The following AGBL1 variants were observed in gnomAD, a reference collection of about 807,000 sequenced individuals.
AGBL1 encodes cytosolic carboxypeptidase 4.
In AGBL1, 130 loss-of-function variants were observed where a neutral mutation model predicts 118.9. The ratio of observed to expected loss-of-function variants is 1.09; its 90% CI spans 0.95 to 1.26. The LOEUF is 1.26. Among genes scored for constraint, AGBL1 ranks in the 50% most tolerant of loss-of-function variants. The probability of loss-of-function intolerance (pLI) is 0.00; values close to 1 mark genes in which losing one functional copy is unlikely to be tolerated. For missense variants in AGBL1, 1,584 were observed against 1,298.1 expected (o/e 1.22, Z -3.38); for synonymous variants, 555 against 478.9 (o/e 1.16, Z -2.08).
chr15:86,872,091 C>G (rs1317330535), intron 22 of AGBL1, among the ~76,000 whole-genome samples: 2 of 152,156 alleles, frequency 1.3e-5, no homozygotes, highest in Non-Finnish European at 1.5e-5. Flanking sequence ...ATCTAGAACT[C>G]AAACACAGAG....
chr15:86,369,842 A>C (rs1437423901), intron 17 of AGBL1, among the ~76,000 whole-genome samples: 1 of 152,188 alleles, frequency 6.6e-6, no homozygotes, highest in African/African-American at 2.4e-5. Context: ...AGCCCCTACC[A>C]ACAGAACAAA....
At chr15:86,086,537 T>C (rs139960295) in intron 1 of AGBL1, among the ~76,000 whole-genome samples, 2 of 152,234 alleles carry the variant, frequency 1.3e-5, no homozygotes, top group African/African-American at 4.8e-5. Context: ...AACAAAAGAA[T>C]GAATATAAAA....
intron 17 of AGBL1, among the ~76,000 whole-genome samples, chr15:86,318,241 A>C (rs114623984): frequency 0.01 from 1,558 of 152,350 alleles, 32 homozygotes; most frequent in African/African-American, 0.033. Flanking sequence ...TGTAGAACAT[A>C]AACATAAAAT....
At chr15:86,678,824 A>G (rs989923623) in intron 22 of AGBL1, among the ~76,000 whole-genome samples, 7 of 152,032 alleles carry the variant, frequency 4.6e-5, no homozygotes, top group African/African-American at 1.4e-4. Context: ...CATTTTTACT[A>G]TTGAATCATT....
intron 23 of AGBL1, among the ~76,000 whole-genome samples, chr15:86,970,581 C>A (rs2081097059): frequency 6.6e-6 from 1 of 151,936 alleles, no homozygotes; most frequent in African/African-American, 2.4e-5. Flanking sequence ...TCTTTATTTT[C>A]AGAGTTAGTT....
chr15:86,444,948 G>A (rs2082104588), intron 18 of AGBL1, among the ~76,000 whole-genome samples: 2 of 152,196 alleles, frequency 1.3e-5, no homozygotes, highest in South Asian at 4.1e-4. Flanking sequence ...AAAATAAATT[G>A]AGATACATTA....
chr15:86,463,288 G>GC (rs1225644550), intron 18 of AGBL1, among the ~76,000 whole-genome samples: 3 of 137,362 alleles, frequency 2.2e-5, no homozygotes, highest in Non-Finnish European at 3.2e-5. Flanking sequence ...GGGGTTGTTT[G>GC]TTTTTTTTTT....
At chr15:86,580,636 T>C in intron 21 of AGBL1, among the ~76,000 whole-genome samples, 1 of 152,152 alleles carries the variant, frequency 6.6e-6, no homozygotes, top group East Asian at 1.9e-4. Flanking sequence ...GATACATGTA[T>C]ACAATGTATA....
At chr15:86,646,233 A>G (rs780583275) in intron 21 of AGBL1, among the ~76,000 whole-genome samples, 1 of 152,158 alleles carries the variant, frequency 6.6e-6, no homozygotes, top group Non-Finnish European at 1.5e-5. Flanking sequence ...GGGTAATTCC[A>G]TGTAAATGGT....
intron 7 of AGBL1, among the ~76,000 whole-genome samples, chr15:86,250,126 A>G (rs893775287): frequency 6.6e-6 from 1 of 152,206 alleles, no homozygotes. Flanking sequence ...TAAATAGGCC[A>G]TGACACATCT....
chr15:86,716,022 T>A (rs1354562592), intron 22 of AGBL1, among the ~76,000 whole-genome samples: 1 of 146,272 alleles, frequency 6.8e-6, no homozygotes, highest in Non-Finnish European at 1.5e-5. Context: ...GCTGAGATGG[T>A]ACCACTGCAC....
At chr15:86,700,859 T>G (rs1849471479) in intron 22 of AGBL1, among the ~76,000 whole-genome samples, 1 of 152,026 alleles carries the variant, frequency 6.6e-6, no homozygotes, top group Non-Finnish European at 1.5e-5. Context: ...TTCATCCAAG[T>G]GAAAATGTTA....
chr15:86,787,624 A>G (rs193186869), intron 22 of AGBL1, among the ~76,000 whole-genome samples: 135 of 152,230 alleles, frequency 8.9e-4, no homozygotes, highest in African/African-American at 3.1e-3. Flanking sequence ...GTTCCTTTGT[A>G]TACATATGTA....
intron 17 of AGBL1, among the ~76,000 whole-genome samples, chr15:86,331,510 C>T (rs543983829): frequency 6.6e-6 from 1 of 152,224 alleles, no homozygotes; most frequent in African/African-American, 2.4e-5. Context: ...ACCAGACTGT[C>T]CAAGGTCAAC....
At chr15:86,694,197 T>A (rs2086217995) in intron 22 of AGBL1, among the ~76,000 whole-genome samples, 1 of 152,160 alleles carries the variant, frequency 6.6e-6, no homozygotes, top group South Asian at 2.1e-4. Flanking sequence ...ATATGATCAT[T>A]TTCACAATAT....
chr15:86,436,089 C>CT lies in AGBL1; in HGVS notation c.2555+38563dup, dbSNP rs35296563. Among the ~76,000 whole-genome samples, 708 of 111,508 alleles carry CT rather than the reference C, an allele frequency of 6.3e-3. 7 individuals carry two copies. The highest frequency in any genetic ancestry group is 0.039 in the South Asian group (123 of 3,184). 73.2% of individuals were successfully genotyped at this position (111,508 alleles called of 152,430 possible). A position where few individuals can be genotyped will look rare whatever the true frequency, so the allele number is the denominator to read the frequency against. On this transcript the variant is annotated intron_variant, in intron 18 of 22. Transcript: ENST00000614907. Reference sequence around the variant, plus strand: ...ACTTTCCATTCAATCCCTTTCCTCTCTTTTTTTTTTTTTTTTTTTTGTCCC... The same window carrying CT: ...ACTTTCCATTCAATCCCTTTCCTCTCTTTTTTTTTTTTTTTTTTTTTGTCCC...
intron 18 of AGBL1, among the ~76,000 whole-genome samples, chr15:86,459,575 T>A (rs1284689187): frequency 6.6e-6 from 1 of 152,120 alleles, no homozygotes; most frequent in African/African-American, 2.4e-5. Flanking sequence ...TCTTATAAAT[T>A]TTTTCCCAGT....
chr15:86,433,263 C>CTTTTTTTT (rs1292975189), intron 18 of AGBL1, among the ~76,000 whole-genome samples: 9 of 54,968 alleles, frequency 1.6e-4, no homozygotes, highest in South Asian at 6.7e-4. Flanking sequence ...CCTCCTCCTT[C>CTTTTTTTT]TTCTTTTTTT....
At chr15:86,791,596 T>A (rs1285712719) in intron 22 of AGBL1, among the ~76,000 whole-genome samples, 2 of 152,022 alleles carry the variant, frequency 1.3e-5, no homozygotes, top group African/African-American at 4.8e-5. Context: ...CAAGCTAATG[T>A]CATTGAAACT....
Sources: allele counts gnomAD v4.1 joint callset (sites outside exome capture counted in the v4.1 genomes callset), GRCh38; gene constraint gnomAD v4.1.1; transcripts MANE v1.5; gene names NCBI Gene and HGNC (gene_info 2026-07-23, HGNC 2026-07-21).